ERCC6L2: variants seen among roughly 807,000 people sequenced by gnomAD.
ERCC6L2 encodes the protein DNA excision repair protein ERCC-6-like 2.
A neutral mutation model predicts 132.0 loss-of-function variants in ERCC6L2; 77 were observed. The observed-to-expected ratio is 0.58, with a 90% CI of 0.49 to 0.71. The LOEUF (loss-of-function observed/expected upper bound fraction) is 0.71. Among genes scored for constraint, ERCC6L2 ranks in the 30% least tolerant of loss-of-function variants. The pLI is 0.00. For synonymous variants in ERCC6L2, 583 were observed against 632.4 expected (o/e 0.92, Z 1.17); for missense variants, 1,542 against 1,837.6 (o/e 0.84, Z 2.94).
intron 2 of ERCC6L2, 110 bp downstream of exon 2, chr9:95,881,403 G>T (rs1827586436): frequency 6.3e-6 from 5 of 793,656 alleles, no homozygotes; most frequent in Non-Finnish European, 9.1e-6. Flanking sequence ...GTGTGTTCCT[G>T]TGTATGTTTG....
At chr9:95,936,971 T>C (rs145473734) in intron 11 of ERCC6L2, among the ~76,000 whole-genome samples, 44 of 152,346 alleles carry the variant, frequency 2.9e-4, no homozygotes, top group African/African-American at 9.6e-4. Flanking sequence ...TTTCTTTTTA[T>C]TGCTCTTAGT....
At chr9:95,901,122 G>C (rs1448167187) in intron 3 of ERCC6L2, among the ~76,000 whole-genome samples, 1 of 151,384 alleles carries the variant, frequency 6.6e-6, no homozygotes, top group Non-Finnish European at 1.5e-5. Context: ...TTTGTATATT[G>C]CTCTCACACT....
intron 12 of ERCC6L2, among the ~76,000 whole-genome samples, chr9:95,949,546 A>G (rs1831229967): frequency 6.6e-6 from 1 of 152,008 alleles, no homozygotes; most frequent in Admixed American, 6.5e-5. Context: ...GGGATAATAT[A>G]TTTAATGTAT....
At chr9:95,952,193 C>A (rs1455885640) in intron 12 of ERCC6L2, among the ~76,000 whole-genome samples, 2 of 48,352 alleles carry the variant, frequency 4.1e-5, no homozygotes, top group African/African-American at 2.5e-4. Flanking sequence ...AAAGAATTTG[C>A]ACCAATCCTT....
At chr9:96,026,737 C>A (rs72743916) in intron 19 of ERCC6L2, among the ~76,000 whole-genome samples, 1 of 141,420 alleles carries the variant, frequency 7.1e-6, no homozygotes, top group Non-Finnish European at 1.5e-5. Context: ...CACACCACAC[C>A]ACACACACAG....
chr9:96,022,063 CGCCCCCGGCCAA>C (rs986038148), downstream of ERCC6L2, among the ~76,000 whole-genome samples: 1 of 152,234 alleles, frequency 6.6e-6, no homozygotes, highest in African/African-American at 2.4e-5. Context: ...CCGAAGCCGG[CGCCCCCGGCCAA>C]GTGGCCGCTC....
At chr9:95,958,404 A>G (rs1475796469) in intron 13 of ERCC6L2, among the ~76,000 whole-genome samples, 1 of 152,076 alleles carries the variant, frequency 6.6e-6, no homozygotes, top group African/African-American at 2.4e-5. Flanking sequence ...TGGTATTTCT[A>G]GTTCTAGGTC....
intron 4 of ERCC6L2, among the ~76,000 whole-genome samples, chr9:95,907,706 A>G (rs1414869753): frequency 6.6e-6 from 1 of 152,068 alleles, no homozygotes; most frequent in Non-Finnish European, 1.5e-5. Flanking sequence ...AAGAATGATA[A>G]GACTTGTCCT....
At chr9:95,931,131 T>C (rs113352574) in intron 11 of ERCC6L2, among the ~76,000 whole-genome samples, 3,688 of 152,302 alleles carry the variant, frequency 0.024, 129 homozygotes, top group African/African-American at 0.074. Context: ...ATCAACCTCA[T>C]ATGACTTCTC....
chr9:95,896,962 A>G (rs1828497575), intron 2 of ERCC6L2, among the ~76,000 whole-genome samples: 1 of 151,852 alleles, frequency 6.6e-6, no homozygotes, highest in Admixed American at 6.6e-5. Flanking sequence ...TTCTTCTATC[A>G]TTTGGGATTC....
intron 12 of ERCC6L2, among the ~76,000 whole-genome samples, chr9:95,950,798 A>G (rs576993362): frequency 3.3e-5 from 5 of 152,342 alleles, no homozygotes; most frequent in African/African-American, 1.2e-4. Context: ...ATATACATAA[A>G]TTCAACAAAC....
chr9:95,881,624 T>G (rs1827600363), intron 2 of ERCC6L2, among the ~76,000 whole-genome samples: 1 of 152,234 alleles, frequency 6.6e-6, no homozygotes, highest in Non-Finnish European at 1.5e-5. Context: ...AGGAAAGCAT[T>G]CTAACATTTG....
intron 19 of ERCC6L2, among the ~76,000 whole-genome samples, chr9:96,025,027 C>T (rs1800337240): frequency 6.6e-6 from 1 of 152,302 alleles, no homozygotes; most frequent in Admixed American, 6.5e-5. Context: ...TTTCCAGTTT[C>T]CTACCAGTGT....
intron 18 of ERCC6L2, 91 bp downstream of exon 18, chr9:96,004,792 C>G: frequency 1.3e-6 from 1 of 794,588 alleles, no homozygotes; most frequent in South Asian, 1.6e-5. Flanking sequence ...TGAATTATAA[C>G]CATAACTGAC....
chr9:95,955,699 T>TTC (rs1831565355), intron 12 of ERCC6L2, among the ~76,000 whole-genome samples: 1 of 148,760 alleles, frequency 6.7e-6, no homozygotes, highest in African/African-American at 2.6e-5. Context: ...AAGTTGATAC[T>TTC]TGTAGGTTTT....
At chr9:95,903,065 T>G (rs1237744773) in intron 3 of ERCC6L2, among the ~76,000 whole-genome samples, 1 of 152,088 alleles carries the variant, frequency 6.6e-6, no homozygotes, top group Non-Finnish European at 1.5e-5. Context: ...TATAAATACA[T>G]TCATTCATGG....
At chr9:96,030,173 A>T (rs1051529665) in intron 19 of ERCC6L2, among the ~76,000 whole-genome samples, 1 of 152,198 alleles carries the variant, frequency 6.6e-6, no homozygotes, top group Non-Finnish European at 1.5e-5. Flanking sequence ...AAAATGGACC[A>T]ATCAGCACCC....
intron 12 of ERCC6L2, among the ~76,000 whole-genome samples, chr9:95,951,697 C>T (rs191412797): frequency 1.2e-4 from 18 of 152,128 alleles, no homozygotes; most frequent in African/African-American, 3.4e-4. Context: ...GAATAGTCTA[C>T]GTGAAATGGA....
intron 6 of ERCC6L2, among the ~76,000 whole-genome samples, chr9:95,920,440 T>C (rs988900558): frequency 4.6e-5 from 7 of 152,224 alleles, no homozygotes; most frequent in African/African-American, 1.4e-4. Context: ...ATACACAAAG[T>C]AGTGTTTCTC....
Sources: allele counts gnomAD v4.1 joint callset (sites outside exome capture counted in the v4.1 genomes callset), GRCh38; gene constraint gnomAD v4.1.1; transcripts MANE v1.5; gene names NCBI Gene and HGNC (gene_info 2026-07-23, HGNC 2026-07-21).